Variants in LIFR observed in about 807,000 individuals in gnomAD.
LIFR encodes the protein LIF receptor subunit alpha, also known as leukemia inhibitory factor receptor.
A neutral mutation model predicts 122.2 loss-of-function variants in LIFR; 84 were observed. That is an observed-to-expected ratio of 0.69 (90% CI 0.58 to 0.82). The LOEUF is 0.82. Among genes scored for constraint, LIFR ranks in the 40% least tolerant of loss-of-function variants. The pLI is 0.00. For synonymous variants in LIFR, 422 were observed against 434.7 expected (o/e 0.97, Z 0.36); for missense variants, 1,294 against 1,311.6 (o/e 0.99, Z 0.21).
At chr5:38,532,384 A>AGAG in intron 1 of LIFR, among the ~76,000 whole-genome samples, 1 of 152,330 alleles carries the variant, frequency 6.6e-6, no homozygotes, top group Middle Eastern at 3.4e-3. Context: ...ATTGGAGCAG[A>AGAG]GAGGCATGCT....
In LIFR at chr5:38,545,119, A is replaced by G. The variant is rs1307272873; in HGVS notation, c.-20+11215T>C. On this transcript the variant is annotated intron_variant, in intron 1 of 19. Coordinates refer to ENST00000453190, the MANE Select transcript of LIFR (RefSeq NM_001127671.2). ...ATCCCATCTCTACTAAAAACACACA[A>G]ATTAGCCGGGCGTGGTGGCGGACGC... Among the ~76,000 whole-genome samples, 4 of 152,034 alleles carry G rather than the reference A, an allele frequency of 2.6e-5. No homozygotes were observed. The East Asian group carries it at 7.7e-4, about 29-fold the overall frequency.
At chr5:38,492,918 A>T (rs1265141769) in intron 14 of LIFR, among the ~76,000 whole-genome samples, 1 of 152,202 alleles carries the variant, frequency 6.6e-6, no homozygotes, top group Non-Finnish European at 1.5e-5. Flanking sequence ...CCTAAGGACA[A>T]GGCTGGATTA....
chr5:38,556,107 G>C (rs938653978), intron 1 of LIFR, among the ~76,000 whole-genome samples: 1 of 152,166 alleles, frequency 6.6e-6, no homozygotes, highest in Non-Finnish European at 1.5e-5. Context: ...CCTGCGTGGG[G>C]CAGAAGTTCT....
upstream of LIFR, among the ~76,000 whole-genome samples, chr5:38,598,208 C>T (rs554566354): frequency 2.4e-3 from 295 of 124,924 alleles, 2 homozygotes; most frequent in African/African-American, 8.6e-3. Context: ...TTTTAAGGCA[C>T]CTCTTTTTTT....
Position 38,523,193 on chromosome 5 carries a change from G to A in LIFR, c.561+226C>T, listed in dbSNP as rs991370255. Among the ~76,000 whole-genome samples the A allele has an allele frequency of 1.1e-4, 17 of 152,034 alleles. 1 individual carries two copies. The highest frequency in any genetic ancestry group is 1.0e-3 in the Admixed American group (16 of 15,258). ...TACTATTTTCAAGTGGTAGAATCAC[G>A]GCTTATTTCTCCCCTAATTTCCTAT... On this transcript the variant is annotated intron_variant, in intron 5 of 19. Coordinates refer to ENST00000453190, the MANE Select transcript of LIFR (RefSeq NM_001127671.2).
At chr5:38,545,192 C>A (rs143464008) in intron 1 of LIFR, among the ~76,000 whole-genome samples, 1,991 of 152,110 alleles carry the variant, frequency 0.013, 46 homozygotes, top group African/African-American at 0.045. Context: ...CTCACTTGAA[C>A]CCGGGAGGCG....
Position 38,568,365 on chromosome 5 carries a change from T to C in LIFR, c.-20+26896A>G, listed in dbSNP as rs929406352. ...TGAGACAAGGGCCTATGGGAGTTTC[T>C]GGGGGACCAACAGGCACATGGTTGG... is the stretch of plus-strand genomic sequence containing the variant. On this transcript the variant is annotated intron_variant, in intron 1 of 19. Transcript: ENST00000263409. Among the ~76,000 whole-genome samples the C allele has an allele frequency of 2.6e-5, 4 of 152,122 alleles. No individual in the cohort carries two copies. In the East Asian group the frequency reaches 5.8e-4, roughly 22 times the overall value.
At chr5:38,568,106 C>T (rs1749088127) in intron 1 of LIFR, among the ~76,000 whole-genome samples, 1 of 152,150 alleles carries the variant, frequency 6.6e-6, no homozygotes, top group Middle Eastern at 3.2e-3. Flanking sequence ...AGGGATATAA[C>T]AGTGAAGATG....
At chr5:38,600,078 C>G (rs1750195010), upstream of LIFR, among the ~76,000 whole-genome samples, 1 of 152,218 alleles carries the variant, frequency 6.6e-6, no homozygotes, top group South Asian at 2.1e-4. Context: ...TTATCTTAAC[C>G]CAGACATTCC....
At position 38,481,843 on chromosome 5, in the gene LIFR, T is replaced by C. The variant is rs753638742; in HGVS notation, c.3046A>G (p.Ile1016Val). 2 of 1,614,078 alleles carry C rather than the reference T, an allele frequency of 1.2e-6. No individual in the cohort carries two copies. The highest frequency in any genetic ancestry group is 2.2e-5 in the East Asian group (1 of 44,904). The change falls in exon 20 of 20, where the codon ATA (isoleucine) becomes GTA (valine). Residue 1016 changes from isoleucine (I) to valine (V), a missense_variant. Physicochemically the swap from Ile to Val is conservative, Grantham distance 29 (BLOSUM62 3). Transcript: ENST00000453190. ...TTATCTAAGTCCTCTTCTGCAGCTA[T>C]ATCTTCCACAGTAGAATTAATGGGG... ...HLPINSTVED[I>V]AAEEDLDKTA...
upstream of LIFR, among the ~76,000 whole-genome samples, chr5:38,559,913 G>T (rs531540666): frequency 6.6e-6 from 1 of 152,090 alleles, no homozygotes; most frequent in Admixed American, 6.5e-5. Context: ...CATTTGAAAT[G>T]CATCATTATA....
chr5:38,520,096 A>G (rs1420268145), intron 5 of LIFR, among the ~76,000 whole-genome samples: 1 of 152,162 alleles, frequency 6.6e-6, no homozygotes, highest in African/African-American at 2.4e-5. Flanking sequence ...CGCATTGTAT[A>G]AGAGCTTCCC....
intron 1 of LIFR, among the ~76,000 whole-genome samples, chr5:38,545,630 A>G (rs1747840280): frequency 6.6e-6 from 1 of 152,100 alleles, no homozygotes; most frequent in Non-Finnish European, 1.5e-5. Flanking sequence ...TGGGAGGCCG[A>G]GGTGGGCGGA....
At chr5:38,523,649 C>T in intron 4 of LIFR, 67 bp from the exon 5 acceptor site, 1 of 1,180,082 alleles carries the variant, frequency 8.5e-7, no homozygotes, top group Admixed American at 1.7e-5. Context: ...ACTGTAACTC[C>T]ACTAATCAAC....
chr5:38,497,009 T>C (rs998306279), intron 12 of LIFR, among the ~76,000 whole-genome samples: 4 of 150,032 alleles, frequency 2.7e-5, no homozygotes, highest in African/African-American at 9.9e-5. Flanking sequence ...CAAGGTAGTA[T>C]CAGAAAAGAT....
chr5:38,545,937 CA>C (rs1359781298), intron 1 of LIFR, among the ~76,000 whole-genome samples: 21 of 149,218 alleles, frequency 1.4e-4, no homozygotes, highest in Non-Finnish European at 2.8e-4. Context: ...AAAATAAAAC[CA>C]GCTAATAAAA....
chr5:38,525,749 G>A (rs1472928194), intron 4 of LIFR, among the ~76,000 whole-genome samples: 2 of 152,210 alleles, frequency 1.3e-5, no homozygotes, highest in Non-Finnish European at 2.9e-5. Flanking sequence ...TGCCAGGACA[G>A]GGAAAGCTCA....
At chr5:38,583,678 A>G (rs1749658358) in intron 1 of LIFR, among the ~76,000 whole-genome samples, 1 of 152,194 alleles carries the variant, frequency 6.6e-6, no homozygotes, top group African/African-American at 2.4e-5. Flanking sequence ...AAGACATAAA[A>G]TGATCAACAG....
At chr5:38,499,479 A>T (rs1474548945) in intron 12 of LIFR, 34 bp downstream of exon 12, 1 of 1,374,608 alleles carries the variant, frequency 7.3e-7, no homozygotes, top group Non-Finnish European at 1.0e-6. Context: ...TTAGCAAAGT[A>T]ATGTAAATGT....
Sources: allele counts gnomAD v4.1 joint callset (sites outside exome capture counted in the v4.1 genomes callset), GRCh38; gene constraint gnomAD v4.1.1; transcripts MANE v1.5; gene names NCBI Gene and HGNC (gene_info 2026-07-23, HGNC 2026-07-21).